Variants in TSHZ3 observed in about 807,000 individuals in gnomAD.
TSHZ3 encodes teashirt zinc finger homeobox 3, also known as teashirt homolog 3.
TSHZ3 carries 10 observed loss-of-function variants against 64.5 expected under a neutral mutation model. That is an observed-to-expected ratio of 0.16 (90% CI 0.10 to 0.26). The LOEUF (loss-of-function observed/expected upper bound fraction) is 0.26, where lower values mean the gene tolerates loss of function less well. Among genes scored for constraint, TSHZ3 ranks in the 10% least tolerant of loss-of-function variants. The pLI, the probability that TSHZ3 is intolerant of heterozygous loss-of-function variation, is 1.00. For missense variants in TSHZ3, 1,242 were observed against 1,421.7 expected, an observed-to-expected ratio of 0.87 and a Z score of 2.03; for synonymous variants, 608 against 593.1, an observed-to-expected ratio of 1.03 and a Z score of -0.36.
intron 1 of TSHZ3, among the ~76,000 whole-genome samples, chr19:31,290,145 G>A (rs1187422210): frequency 1.3e-5 from 2 of 152,256 alleles, no homozygotes; most frequent in East Asian, 3.9e-4. Context: ...GATGTCCTGA[G>A]GTCCCACACA....
At chr19:31,208,418 G>C (rs1433048701) in intron 4 of TSHZ3, among the ~76,000 whole-genome samples, 1 of 152,202 alleles carries the variant, frequency 6.6e-6, no homozygotes, top group Non-Finnish European at 1.5e-5. Context: ...ACGCCTGTCT[G>C]TTGGCAAGAA....
At chr19:31,180,814 G>A (rs561562020) in intron 5 of TSHZ3, among the ~76,000 whole-genome samples, 31 of 152,204 alleles carry the variant, frequency 2.0e-4, no homozygotes, top group African/African-American at 6.5e-4. Context: ...ACTGGGGCCC[G>A]GCCCTTTATC....
intron 1 of TSHZ3, among the ~76,000 whole-genome samples, chr19:31,283,133 G>A (rs1373004564): frequency 2.0e-5 from 3 of 152,150 alleles, no homozygotes; most frequent in Admixed American, 6.5e-5. Flanking sequence ...AGGAGTTTGA[G>A]ACCACCTTCG....
chr19:31,343,974 T>C (rs534897390), intron 1 of TSHZ3, among the ~76,000 whole-genome samples: 1 of 152,332 alleles, frequency 6.6e-6, no homozygotes, highest in South Asian at 2.1e-4. Context: ...CATAAAATTG[T>C]CATCTTATCT....
intron 3 of TSHZ3, among the ~76,000 whole-genome samples, chr19:31,242,156 T>G (rs1409591148): frequency 6.6e-6 from 1 of 152,188 alleles, no homozygotes; most frequent in African/African-American, 2.4e-5. Flanking sequence ...CACTTAAAAT[T>G]TGTCCCTTCC....
intron 1 of TSHZ3, among the ~76,000 whole-genome samples, chr19:31,259,846 C>T (rs990313202): frequency 1.3e-5 from 2 of 152,036 alleles, no homozygotes; most frequent in African/African-American, 4.8e-5. Context: ...CATCTCCAGC[C>T]CAGGCCAAGG....
chr19:31,196,262 G>T (rs1289117172), intron 5 of TSHZ3, among the ~76,000 whole-genome samples: 1 of 151,832 alleles, frequency 6.6e-6, no homozygotes, highest in African/African-American at 2.4e-5. Flanking sequence ...ACTTGGATTA[G>T]TTGTAAAGAT....
chr19:31,151,297 A>G (rs1237142000), exon 7 of TSHZ3, among the ~76,000 whole-genome samples: 1 of 152,168 alleles, frequency 6.6e-6, no homozygotes, highest in East Asian at 1.9e-4. Flanking sequence ...TTTCATCTGA[A>G]GAATGCTGTA....
At chr19:31,188,764 T>C (rs546919813) in intron 5 of TSHZ3, among the ~76,000 whole-genome samples, 1 of 152,044 alleles carries the variant, frequency 6.6e-6, no homozygotes, top group South Asian at 2.1e-4. Context: ...TTTATTTTAA[T>C]GTTCTTGTTT....
At chr19:31,335,350 G>A (rs780614983) in intron 1 of TSHZ3, among the ~76,000 whole-genome samples, 7 of 152,166 alleles carry the variant, frequency 4.6e-5, no homozygotes, top group Non-Finnish European at 8.8e-5. Context: ...CTACCCTCAC[G>A]GCCCACTTCC....
chr19:31,285,077 C>T (rs571737423), intron 1 of TSHZ3, among the ~76,000 whole-genome samples: 1 of 152,282 alleles, frequency 6.6e-6, no homozygotes, highest in African/African-American at 2.4e-5. Context: ...CTGGGGTAGA[C>T]AGGATGACAG....
At position 31,278,710 on chromosome 19, in the gene TSHZ3, C is replaced by A. The variant is rs142807470; in HGVS notation, c.1083G>T (p.Thr361=). 6.2e-7 allele frequency: 1 copy of A among 1,614,070 alleles called. No individual in the cohort carries two copies. The highest frequency in any genetic ancestry group is 1.7e-5 in the Admixed American group (1 of 60,016). The change falls in exon 2 of 2, where the codon ACG becomes ACT. Residue 361 remains threonine, a synonymous_variant. Transcript: ENST00000240587. The surrounding 1 kb of genome is among the most constrained non-coding windows in gnomAD (Gnocchi z 4.7). ...TCTGGTGGCCGTACCGATTATTTGGCGTGATGTAAGGGTTGGAGTTCTTCT... is the reference window on the plus strand; with the variant it reads ...TCTGGTGGCCGTACCGATTATTTGGAGTGATGTAAGGGTTGGAGTTCTTCT... ...ALQKNSNPYI[T]PNNRYGHQNG... is the part of the protein sequence containing the mutation.
chr19:31,172,838 A>T (rs919688409), intron 5 of TSHZ3, among the ~76,000 whole-genome samples: 4 of 152,170 alleles, frequency 2.6e-5, no homozygotes, highest in African/African-American at 9.7e-5. Flanking sequence ...AGAAGAAGAG[A>T]ATCTTAGGGA....
At chr19:31,307,679 A>T (rs1162455787) in intron 1 of TSHZ3, among the ~76,000 whole-genome samples, 3 of 152,226 alleles carry the variant, frequency 2.0e-5, no homozygotes, top group Non-Finnish European at 4.4e-5. Context: ...AGCCATTTCC[A>T]ATGATAATAC....
At chr19:31,304,757 A>G (rs2145147087) in intron 1 of TSHZ3, among the ~76,000 whole-genome samples, 1 of 152,332 alleles carries the variant, frequency 6.6e-6, no homozygotes, top group East Asian at 1.9e-4. Context: ...GGTAGTTTGT[A>G]AAAATTATTT....
chr19:31,336,956 G>A (rs914975585), intron 1 of TSHZ3, among the ~76,000 whole-genome samples: 1 of 150,680 alleles, frequency 6.6e-6, no homozygotes, highest in Non-Finnish European at 1.5e-5. Flanking sequence ...CTGCTTAAGT[G>A]TCTAGAAAAG....
At chr19:31,270,284 C>T (rs1007130148), downstream of TSHZ3, among the ~76,000 whole-genome samples, 2 of 152,188 alleles carry the variant, frequency 1.3e-5, no homozygotes, top group Non-Finnish European at 2.9e-5. Context: ...GATGTGAGCT[C>T]TTACCCAGGA....
chr19:31,349,487 A>C (rs538570972), upstream of TSHZ3: 2,108 of 354,400 alleles, frequency 5.9e-3, 39 homozygotes, highest in African/African-American at 0.042. Context: ...GGGGAGGAGG[A>C]GGCAGAGGAG....
intron 5 of TSHZ3, among the ~76,000 whole-genome samples, chr19:31,179,724 A>G (rs1393115635): frequency 7.7e-6 from 1 of 130,474 alleles, no homozygotes; most frequent in Non-Finnish European, 1.7e-5. Context: ...AACAATGATG[A>G]TGGTAGGTGG....
Sources: gnomAD v4.1 joint callset for allele counts (sites outside exome capture counted in the v4.1 genomes callset) on GRCh38, gnomAD v4.1.1 for gene constraint, Gnocchi (gnomAD v3.1) non-coding constraint, MANE v1.5 for transcripts, NCBI Gene and HGNC (gene_info 2026-07-23, HGNC 2026-07-21) for gene names.